Variants in CACNA1E observed in about 807,000 individuals in gnomAD.
The protein encoded by CACNA1E is voltage-dependent R-type calcium channel subunit alpha-1E.
A neutral mutation model predicts 259.2 loss-of-function variants in CACNA1E; 40 were observed. The ratio of observed to expected loss-of-function variants is 0.15; its 90% CI spans 0.12 to 0.20. The LOEUF is 0.20. Among genes scored for constraint, CACNA1E ranks in the 10% least tolerant of loss-of-function variants. CACNA1E has a pLI of 1.00. For missense variants in CACNA1E, 1,874 were observed against 3,040.1 expected (o/e 0.62, Z 9.02); for synonymous variants, 1,104 against 1,138.5 (o/e 0.97, Z 0.61).
At chr1:181,487,909 A>ATG (rs1663986860) in intron 1 of CACNA1E, among the ~76,000 whole-genome samples, 3 of 152,048 alleles carry the variant, frequency 2.0e-5, no homozygotes, top group Non-Finnish European at 4.4e-5. Flanking sequence ...AGCAGGGGAG[A>ATG]ACATGCTTCG....
chr1:181,634,228 A>G (rs1657001485), intron 6 of CACNA1E, among the ~76,000 whole-genome samples: 2 of 152,176 alleles, frequency 1.3e-5, no homozygotes, highest in South Asian at 4.1e-4. Context: ...TGATGACTTC[A>G]TTGGGTCATT....
At chr1:181,464,699 C>T (rs1347157236) in intron 2 of CACNA1E, among the ~76,000 whole-genome samples, 1 of 151,144 alleles carries the variant, frequency 6.6e-6, no homozygotes, top group East Asian at 1.9e-4. Flanking sequence ...ATCCATATGC[C>T]TTTTCTTTCT....
intron 35 of CACNA1E, 104 bp from the exon 36 acceptor site, chr1:181,771,189 G>T: frequency 1.5e-6 from 1 of 655,522 alleles, no homozygotes; most frequent in Non-Finnish European, 2.8e-6. Context: ...TTCAGGGGTA[G>T]GTCATCGGGA....
intron 3 of CACNA1E, among the ~76,000 whole-genome samples, chr1:181,519,913 C>A (rs940362179): frequency 6.6e-6 from 1 of 152,156 alleles, no homozygotes; most frequent in East Asian, 1.9e-4. Context: ...TACATTCTCT[C>A]TGTCATACTG....
intron 25 of CACNA1E, among the ~76,000 whole-genome samples, chr1:181,747,452 T>TA (rs1401770817): frequency 3.6e-5 from 1 of 27,626 alleles, no homozygotes; most frequent in Non-Finnish European, 9.1e-5. Context: ...AATCTGTCAT[T>TA]TTTTTTTTTT....
intron 2 of CACNA1E, among the ~76,000 whole-genome samples, chr1:181,460,849 G>GTT (rs755810076): frequency 4.5e-4 from 68 of 152,292 alleles, no homozygotes; most frequent in Non-Finnish European, 7.2e-4. Flanking sequence ...AGTTTGACCC[G>GTT]TTTCTAGGTA....
intron 7 of CACNA1E, among the ~76,000 whole-genome samples, chr1:181,710,438 C>CT (rs1653234432): frequency 6.6e-6 from 1 of 152,160 alleles, no homozygotes; most frequent in South Asian, 2.1e-4. Flanking sequence ...GAAACCTTGG[C>CT]TTCCCCATCT....
chr1:181,429,043 A>G (rs755024100), intron 2 of CACNA1E, among the ~76,000 whole-genome samples: 1 of 152,072 alleles, frequency 6.6e-6, no homozygotes, highest in Non-Finnish European at 1.5e-5. Context: ...TTAGCTGGGC[A>G]TGGTGGCACA....
intron 3 of CACNA1E, among the ~76,000 whole-genome samples, chr1:181,564,759 GA>G (rs1649655313): frequency 6.6e-6 from 1 of 152,192 alleles, no homozygotes; most frequent in African/African-American, 2.4e-5. Flanking sequence ...CTTGAAAGTC[GA>G]AATTACTTCT....
Position 181,757,340 on chromosome 1 carries a change from T to C in CACNA1E, c.4329+214T>C, listed in dbSNP as rs1658175066. Among the ~76,000 whole-genome samples, 6 of 152,238 alleles carry C rather than the reference T, an allele frequency of 3.9e-5. No homozygotes were observed. The South Asian group carries it at 1.2e-3, about 31-fold the overall frequency. ...ACGGAGATCTGGAAGATATGTAAGA[T>C]GTTTAACATGCAGTCTTTACCTTTG... On this transcript the variant is annotated intron_variant, in intron 30 of 47. Transcript: ENST00000367573.
chr1:181,771,181 C>T, intron 35 of CACNA1E, 112 bp from the exon 36 acceptor site: 1 of 639,040 alleles, frequency 1.6e-6, no homozygotes, highest in Non-Finnish European at 2.9e-6. Flanking sequence ...TTGTCTGCTT[C>T]AGGGGTAGGT....
intron 1 of CACNA1E, among the ~76,000 whole-genome samples, chr1:181,410,175 A>G (rs1332557476): frequency 6.6e-6 from 1 of 152,206 alleles, no homozygotes; most frequent in African/African-American, 2.4e-5. Flanking sequence ...TAAACATCGT[A>G]GGAATGAAGG....
chr1:181,447,221 A>T (rs1396959449), intron 2 of CACNA1E, among the ~76,000 whole-genome samples: 2 of 152,188 alleles, frequency 1.3e-5, no homozygotes, highest in Non-Finnish European at 2.9e-5. Context: ...ATAAAAATAG[A>T]ACTGTATTTA....
At chr1:181,541,901 T>C (rs747205341) in intron 3 of CACNA1E, among the ~76,000 whole-genome samples, 3 of 152,212 alleles carry the variant, frequency 2.0e-5, no homozygotes, top group Non-Finnish European at 4.4e-5. Flanking sequence ...CCCACCATTG[T>C]ATCAGGTTTG....
At chr1:181,502,662 A>G (rs181837743) in intron 1 of CACNA1E, among the ~76,000 whole-genome samples, 1 of 152,226 alleles carries the variant, frequency 6.6e-6, no homozygotes, top group Admixed American at 6.5e-5. Flanking sequence ...AGGGAGCTGG[A>G]CTGGCCAGGG....
At chr1:181,511,087 C>T (rs1666125687) in intron 2 of CACNA1E, among the ~76,000 whole-genome samples, 1 of 152,220 alleles carries the variant, frequency 6.6e-6, no homozygotes, top group Non-Finnish European at 1.5e-5. Context: ...CAAACTCCTT[C>T]AGGGCAAAGC....
intron 3 of CACNA1E, among the ~76,000 whole-genome samples, chr1:181,565,399 G>A (rs1487448030): frequency 6.6e-6 from 1 of 152,198 alleles, no homozygotes; most frequent in Non-Finnish European, 1.5e-5. Flanking sequence ...GGCCCTGTAA[G>A]ATTGGCTTTA....
chr1:181,636,320 C>G (rs1657207817), intron 6 of CACNA1E, among the ~76,000 whole-genome samples: 1 of 152,136 alleles, frequency 6.6e-6, no homozygotes, highest in Admixed American at 6.5e-5. Context: ...GTTTCCTCAT[C>G]AGAGGAAAAG....
At chr1:181,444,754 G>A (rs778387341) in intron 2 of CACNA1E, among the ~76,000 whole-genome samples, 15 of 152,184 alleles carry the variant, frequency 9.9e-5, no homozygotes, top group Non-Finnish European at 1.8e-4. Context: ...ATTCAGGCCA[G>A]CACCAGCTGG....
Sources: gnomAD v4.1 joint callset for allele counts (sites outside exome capture counted in the v4.1 genomes callset) on GRCh38, gnomAD v4.1.1 for gene constraint, MANE v1.5 for transcripts, NCBI Gene and HGNC (gene_info 2026-07-23, HGNC 2026-07-21) for gene names.